Variants in TNKS observed in about 807,000 individuals in gnomAD.
TNKS encodes the protein poly [ADP-ribose] polymerase tankyrase-1.
Under a neutral mutation model 135.8 loss-of-function variants are expected in TNKS, and 72 were observed. The ratio of observed to expected loss-of-function variants is 0.53; its 90% CI spans 0.44 to 0.64. The LOEUF is 0.64. Ranked by LOEUF, TNKS falls within the 30% of genes least tolerant of loss-of-function variation. The pLI, the probability that TNKS is intolerant of heterozygous loss-of-function variation, is 0.00. For missense variants in TNKS, 1,769 were observed against 1,674.0 expected (o/e 1.06, Z -0.99); for synonymous variants, 849 against 649.3 (o/e 1.31, Z -4.68).
At chr8:9,629,037 C>G (rs1800178855) in intron 3 of TNKS, among the ~76,000 whole-genome samples, 1 of 152,212 alleles carries the variant, frequency 6.6e-6, no homozygotes, top group Non-Finnish European at 1.5e-5. Flanking sequence ...TATTCCAAAT[C>G]CATTTTTCTT....
intron 17 of TNKS, among the ~76,000 whole-genome samples, chr8:9,743,162 A>T (rs1290992188): frequency 6.6e-6 from 1 of 152,348 alleles, no homozygotes; most frequent in East Asian, 1.9e-4. Flanking sequence ...GTGGCATATC[A>T]TCTGGAATAC....
At chr8:9,729,564 A>C (rs1462280408) in intron 13 of TNKS, among the ~76,000 whole-genome samples, 1 of 152,140 alleles carries the variant, frequency 6.6e-6, no homozygotes, top group Non-Finnish European at 1.5e-5. Context: ...GATGTAGCAG[A>C]AAGACTAAGA....
intron 2 of TNKS, among the ~76,000 whole-genome samples, chr8:9,614,342 T>C (rs1799563356): frequency 6.6e-6 from 1 of 152,236 alleles, no homozygotes; most frequent in South Asian, 2.1e-4. Flanking sequence ...AAGATCTCAC[T>C]GCATCTTCTC....
At chr8:9,728,878 A>G (rs999612707) in intron 13 of TNKS, among the ~76,000 whole-genome samples, 2 of 152,122 alleles carry the variant, frequency 1.3e-5, no homozygotes, top group Admixed American at 6.6e-5. Context: ...ACCACTTAAA[A>G]AGCGCTTGTT....
At chr8:9,619,408 C>T (rs753210451) in intron 3 of TNKS, among the ~76,000 whole-genome samples, 5 of 152,116 alleles carry the variant, frequency 3.3e-5, no homozygotes, top group Non-Finnish European at 7.4e-5. Flanking sequence ...GCAGATTGAG[C>T]CTGAGAGTTT....
chr8:9,680,087 T>C (rs1304358884), intron 4 of TNKS, 100 bp downstream of exon 4: 1 of 835,120 alleles, frequency 1.2e-6, no homozygotes, highest in Admixed American at 2.0e-5. Flanking sequence ...ATTGTCTTGC[T>C]TGGATTTTAT....
chr8:9,714,144 A>G (rs1280870255), intron 11 of TNKS, among the ~76,000 whole-genome samples: 1 of 152,172 alleles, frequency 6.6e-6, no homozygotes, highest in Non-Finnish European at 1.5e-5. Flanking sequence ...CTTTTGCCCA[A>G]AACCTGGTAA....
chr8:9,767,252 T>C (rs1045433069), intron 25 of TNKS, among the ~76,000 whole-genome samples: 1 of 152,220 alleles, frequency 6.6e-6, no homozygotes, highest in African/African-American at 2.4e-5. Flanking sequence ...GTTAATAGAC[T>C]TTTAAAACTC....
chr8:9,660,994 A>G (rs199616420), intron 3 of TNKS, among the ~76,000 whole-genome samples: 8,347 of 129,598 alleles, frequency 0.064, 449 homozygotes, highest in Admixed American at 0.11. Context: ...TTGCTTCAAA[A>G]AGAATAAAAT....
At position 9,776,676 on chromosome 8, in the gene TNKS, C is replaced by T. The variant is rs775243357; in HGVS notation, c.3924C>T (p.Tyr1308=). ...CATACCCAGAGTATCTTATCACTTA[C>T]CAGATCATGAAGCCAGAAGCCCCTT... ...EQAYPEYLIT[Y]QIMKPEAPSQ... Residue 1308 remains tyrosine, a synonymous_variant, in exon 27 of 27, where the codon TAC becomes TAT. Transcript: ENST00000310430. The T allele has an allele frequency of 6.2e-7, 1 of 1,613,992 alleles. No homozygotes were observed. Among genetic ancestry groups the T allele is most frequent in the Non-Finnish European group, 8.5e-7 (1 of 1,179,920 alleles).
intron 26 of TNKS, among the ~76,000 whole-genome samples, chr8:9,775,589 T>C (rs920148733): frequency 2.7e-5 from 4 of 149,206 alleles, no homozygotes; most frequent in African/African-American, 9.8e-5. Context: ...CTCTAATGAA[T>C]AATACTAATA....
chr8:9,605,255 A>T (rs1255902862), intron 2 of TNKS, among the ~76,000 whole-genome samples: 1 of 151,990 alleles, frequency 6.6e-6, no homozygotes, highest in Admixed American at 6.6e-5. Flanking sequence ...TTCTAGAAAT[A>T]TGTTCTTGTG....
At chr8:9,606,105 CCA>C (rs1799208253) in intron 2 of TNKS, among the ~76,000 whole-genome samples, 1 of 132,466 alleles carries the variant, frequency 7.5e-6, no homozygotes, top group African/African-American at 2.9e-5. Context: ...AGTCTGTAGT[CCA>C]GTTTGAGTTA....
intron 5 of TNKS, among the ~76,000 whole-genome samples, chr8:9,691,137 C>T (rs1404792560): frequency 1.3e-5 from 2 of 152,176 alleles, no homozygotes; most frequent in Admixed American, 1.3e-4. Context: ...CTCTAATAAG[C>T]AGTTGAAGTA....
At chr8:9,734,676 T>C (rs972673826) in intron 15 of TNKS, among the ~76,000 whole-genome samples, 189 bp from the exon 16 acceptor site, 1 of 152,236 alleles carries the variant, frequency 6.6e-6, no homozygotes, top group Non-Finnish European at 1.5e-5. Context: ...TTTGACTGTA[T>C]AGTATTAATA....
At position 9,778,596 on chromosome 8, in the gene TNKS, G is replaced by A. The variant is rs928266551; in HGVS notation, c.*1860G>A. ...TTTTGAAGTTTCAGTGACCCAAGCT[G>A]GGTGTTTGTGTCTTGGCTACTTGTT... On this transcript the variant is annotated 3_prime_UTR_variant, in exon 27 of 27. Coordinates refer to ENST00000310430, the MANE Select transcript of TNKS (RefSeq NM_003747.3). 3.3e-5 allele frequency: 5 copies of A among 152,592 alleles called. No individual in the cohort carries two copies. The highest frequency in any genetic ancestry group is 6.6e-5 in the Admixed American group (1 of 15,266). The allele number at this position is 152,592 out of a possible 1,614,324, so 9.5% of individuals were successfully genotyped here.
At chr8:9,580,094 A>G (rs1310331601) in intron 1 of TNKS, 65 bp from the exon 2 acceptor site, 4 of 1,360,858 alleles carry the variant, frequency 2.9e-6, no homozygotes, top group Non-Finnish European at 4.2e-6. Context: ...ATTGTTACAG[A>G]TATTCTAATG....
chr8:9,773,235 T>C (rs1339717119), intron 26 of TNKS, among the ~76,000 whole-genome samples: 1 of 152,050 alleles, frequency 6.6e-6, no homozygotes, highest in East Asian at 1.9e-4. Context: ...CATCACTGTC[T>C]TATCACAATA....
Position 9,778,139 on chromosome 8 carries a change from A to G in TNKS, c.*1403A>G, listed in dbSNP as rs1808308235. The stretch of plus-strand genomic sequence containing the variant: ...TCAACATTTACCAAGTGCCATTGAC[A>G]TTTATAAAAAAAAATGATCCTTTAT... On this transcript the variant is annotated 3_prime_UTR_variant, in exon 27 of 27. Coordinates refer to ENST00000310430, the MANE Select transcript of TNKS (RefSeq NM_003747.3). The G allele has an allele frequency of 2.3e-5, 1 of 43,000 alleles. No homozygotes were observed. Among genetic ancestry groups the G allele is most frequent in the Non-Finnish European group, 4.5e-5 (1 of 21,980 alleles). The allele number at this position is 43,000 out of a possible 1,614,324, so 2.7% of individuals were successfully genotyped here.
Sources: allele counts gnomAD v4.1 joint callset (sites outside exome capture counted in the v4.1 genomes callset), GRCh38; gene constraint gnomAD v4.1.1; transcripts MANE v1.5; gene names NCBI Gene and HGNC (gene_info 2026-07-23, HGNC 2026-07-21).